Variants in PTCHD1 observed in about 807,000 individuals in gnomAD.
PTCHD1 encodes the protein patched domain containing 1, also known as patched domain-containing protein 1.
Under a neutral mutation model 34.6 loss-of-function variants are expected in PTCHD1, and 3 were observed. That is an observed-to-expected ratio of 0.09 (90% CI 0.04 to 0.22). The LOEUF is 0.22. PTCHD1 is among the 10% of genes least tolerant of loss of function. PTCHD1 has a pLI of 1.00. For synonymous variants in PTCHD1, 305 were observed against 283.1 expected (o/e 1.08, Z -0.77); for missense variants, 504 against 685.5 (o/e 0.74, Z 2.96).
At chrX:23,353,963 A>G (rs1056446302) in intron 1 of PTCHD1, among the ~76,000 whole-genome samples, 8 of 111,841 alleles carry the variant, frequency 7.2e-5, no homozygotes, top group Admixed American at 9.5e-5. Context: ...AGGGTTCTCA[A>G]TCTTGACTGT....
At chrX:23,340,005 G>C (rs1462554390) in intron 1 of PTCHD1, among the ~76,000 whole-genome samples, 3 of 111,567 alleles carry the variant, frequency 2.7e-5, no homozygotes, top group Non-Finnish European at 5.6e-5. Context: ...AATGGCTGGA[G>C]ACATTTTTGG....
chrX:23,363,512 C>T lies in PTCHD1; in HGVS notation c.352-16079C>T, dbSNP rs777096252. On this transcript the variant is annotated intron_variant, in intron 1 of 2. Coordinates refer to ENST00000379361, the MANE Select transcript of PTCHD1 (RefSeq NM_173495.3). ...CCATTTGCTACGACTGTTGGAAAAG[C>T]GCAGTATTTGGACGGAAGTGTCCCA... Among the ~76,000 whole-genome samples, 472 of 112,937 alleles carry T rather than the reference C, an allele frequency of 4.2e-3. 1 individual carries two copies. Among genetic ancestry groups the T allele is most frequent in the Middle Eastern group, 9.2e-3 (2 of 217 alleles).
chrX:23,335,355 A>G, intron 1 of PTCHD1, 129 bp downstream of exon 1: 1 of 554,223 alleles, frequency 1.8e-6, no homozygotes, highest in Admixed American at 3.3e-5. Flanking sequence ...ACTCTCCTGC[A>G]CCGCGCGCCC....
intron 1 of PTCHD1, among the ~76,000 whole-genome samples, chrX:23,350,189 G>C (rs1029141247): frequency 1.9e-5 from 2 of 107,402 alleles, no homozygotes; most frequent in African/African-American, 6.8e-5. Flanking sequence ...GCTCTAAAAA[G>C]TTCCTCTGTA....
At chrX:23,338,394 C>G (rs761078319) in intron 1 of PTCHD1, among the ~76,000 whole-genome samples, 1 of 112,297 alleles carries the variant, frequency 8.9e-6, no homozygotes, top group Non-Finnish European at 1.9e-5. Context: ...AGATACGTTT[C>G]GTTGCGATCA....
chrX:23,356,231 A>G (rs1307475984), intron 1 of PTCHD1, among the ~76,000 whole-genome samples: 1 of 112,258 alleles, frequency 8.9e-6, no homozygotes, highest in Non-Finnish European at 1.9e-5. Context: ...CCTACTCTCC[A>G]CATGCACTGT....
chrX:23,380,292 G>A, intron 2 of PTCHD1, 41 bp downstream of exon 2: 1 of 1,142,626 alleles, frequency 8.8e-7, no homozygotes, highest in Admixed American at 2.2e-5. Flanking sequence ...GCCTGCTGGT[G>A]GTGTTGACTA....
At position 23,380,975 on chromosome X, in the gene PTCHD1, G is replaced by T. The variant is rs746034037; in HGVS notation, c.1012+724G>T. ...AGCCTTCAGCAAGCTCAAGAATGGGGAATGGGAGGGCATGTTGGGTTGGCA... is the reference window on the plus strand; with the variant it reads ...AGCCTTCAGCAAGCTCAAGAATGGGTAATGGGAGGGCATGTTGGGTTGGCA... On this transcript the variant is annotated intron_variant, in intron 2 of 2. Coordinates refer to ENST00000379361, the MANE Select transcript of PTCHD1 (RefSeq NM_173495.3). Among the ~76,000 whole-genome samples the T allele has an allele frequency of 7.2e-5, 8 of 111,816 alleles. No homozygotes were observed. In the East Asian group the frequency reaches 2.0e-3, roughly 28 times the overall value.
intron 1 of PTCHD1, among the ~76,000 whole-genome samples, chrX:23,364,511 G>T (rs1167566610): frequency 1.8e-5 from 2 of 109,700 alleles, no homozygotes; most frequent in Admixed American, 9.7e-5. Context: ...AAGAAGAAAG[G>T]CAGCCTGAAT....
chrX:23,336,164 C>T lies in PTCHD1; in HGVS notation c.351+938C>T, dbSNP rs1156635622. Among the ~76,000 whole-genome samples, 3 of 111,628 alleles carry T rather than the reference C, an allele frequency of 2.7e-5. No individual in the cohort carries two copies. The East Asian group carries it at 8.5e-4, about 32-fold the overall frequency. On this transcript the variant is annotated intron_variant, in intron 1 of 2. Transcript: ENST00000379361. ...TGGAAAGTGAGGTTAATGGTGGTAACTTTCAGGAACTTCCTAAGAAAAGCA... is the reference window on the plus strand; with the variant it reads ...TGGAAAGTGAGGTTAATGGTGGTAATTTTCAGGAACTTCCTAAGAAAAGCA...
In PTCHD1 at chrX:23,387,998, A is replaced by G. The variant is rs909044177; in HGVS notation, c.1013-4533A>G. ...AAGGAATCCCCTGGGATGTTGTATC[A>G]TCCAGGGTAATCCTTGGAATGTGAG... On this transcript the variant is annotated intron_variant, in intron 2 of 2. Transcript: ENST00000379361. Among the ~76,000 whole-genome samples the G allele has an allele frequency of 7.2e-5, 8 of 111,287 alleles. No individual in the cohort carries two copies. The Admixed American group carries it at 7.6e-4, about 11-fold the overall frequency.
chrX:23,392,770 C>T lies in PTCHD1; in HGVS notation c.1252C>T (p.Leu418Phe), dbSNP rs772679002. ...IAIFFNYLYV[L>F]SFYGSSLVFT... ...AATCTTCTTCAACTACCTCTATGTACTCTCGTTTTATGGTTCCAGCCTAGT... is the reference window on the plus strand; with the variant it reads ...AATCTTCTTCAACTACCTCTATGTATTCTCGTTTTATGGTTCCAGCCTAGT... The change falls in exon 3 of 3, where the codon CTC becomes TTC. Residue 418 changes from leucine to phenylalanine, a missense_variant. Coordinates refer to ENST00000379361, the MANE Select transcript of PTCHD1 (RefSeq NM_173495.3). 1.9e-5 allele frequency: 23 copies of T among 1,209,868 alleles called. No individual in the cohort carries two copies. The highest frequency in any genetic ancestry group is 1.1e-5 in the Non-Finnish European group (10 of 894,634).
intron 1 of PTCHD1, among the ~76,000 whole-genome samples, chrX:23,371,114 T>G (rs1221570810): frequency 8.9e-6 from 1 of 112,108 alleles, no homozygotes; most frequent in Non-Finnish European, 1.9e-5. Flanking sequence ...CAATTTCATA[T>G]GGTTTAACCT....
chrX:23,402,342 T>C lies in PTCHD1; in HGVS notation c.*8157T>C, dbSNP rs1294531912. On this transcript the variant is annotated 3_prime_UTR_variant, in exon 3 of 3. Coordinates refer to ENST00000379361, the MANE Select transcript of PTCHD1 (RefSeq NM_173495.3). ...CTCTCTCACACACACACACACAGAG[T>C]GGATGGGAGGGGACATTAAGAGGAA... 4.6e-5 allele frequency: 5 copies of C among 109,736 alleles called. No homozygotes were observed. Among genetic ancestry groups the C allele is most frequent in the Non-Finnish European group, 9.5e-5 (5 of 52,655 alleles). The allele number at this position is 109,736 out of a possible 1,213,427, so 9.0% of individuals were successfully genotyped here. A position where few individuals can be genotyped will look rare whatever the true frequency, so the allele number is the denominator to read the frequency against.
chrX:23,360,998 A>G (rs751970634), intron 1 of PTCHD1, among the ~76,000 whole-genome samples: 31 of 112,309 alleles, frequency 2.8e-4, no homozygotes, highest in African/African-American at 9.4e-4. Flanking sequence ...ATTTGATTGC[A>G]CTGTGGTCTG....
chrX:23,360,235 T>A (rs1400779243), intron 1 of PTCHD1, among the ~76,000 whole-genome samples: 3 of 111,937 alleles, frequency 2.7e-5, no homozygotes. Context: ...CCAGCTCTTC[T>A]ATATACCTCT....
chrX:23,383,485 A>G (rs910978781), intron 2 of PTCHD1, among the ~76,000 whole-genome samples: 1 of 111,982 alleles, frequency 8.9e-6, no homozygotes, highest in Non-Finnish European at 1.9e-5. Flanking sequence ...AAATTCCAGA[A>G]GAGGAAAGAA....
At chrX:23,387,394 T>C (rs145889035) in intron 2 of PTCHD1, among the ~76,000 whole-genome samples, 7,327 of 111,078 alleles carry the variant, frequency 0.066, 509 homozygotes, top group African/African-American at 0.21. Flanking sequence ...CAGTTGAATT[T>C]TTTTTTCCGC....
chrX:23,401,182 G>C lies in PTCHD1; in HGVS notation c.*6997G>C, dbSNP rs1248311772. On this transcript the variant is annotated 3_prime_UTR_variant, in exon 3 of 3. Coordinates refer to ENST00000379361, the MANE Select transcript of PTCHD1 (RefSeq NM_173495.3). ...GCGTGAGCCACCGTGCCCGGCAAGG[G>C]CTTTGTTCATTAGGATCAACAAAGT... is the stretch of plus-strand genomic sequence containing the variant. 4 of 111,650 alleles carry C rather than the reference G, an allele frequency of 3.6e-5. No homozygotes were observed. Among genetic ancestry groups the C allele is most frequent in the African/African-American group, 1.3e-4 (4 of 30,653 alleles). The allele number at this position is 111,650 out of a possible 1,213,427, so 9.2% of individuals were successfully genotyped here. A position where few individuals can be genotyped will look rare whatever the true frequency, so the allele number is the denominator to read the frequency against.
Sources: allele counts gnomAD v4.1 joint callset (sites outside exome capture counted in the v4.1 genomes callset), GRCh38; gene constraint gnomAD v4.1.1; transcripts MANE v1.5; gene names NCBI Gene and HGNC (gene_info 2026-07-23, HGNC 2026-07-21).